Variants in CRIM1 observed in about 807,000 individuals in gnomAD.
The protein encoded by CRIM1 is cysteine-rich motor neuron 1 protein.
CRIM1 carries 32 observed loss-of-function variants against 116.4 expected under a neutral mutation model. The ratio of observed to expected loss-of-function variants is 0.27; its 90% CI spans 0.21 to 0.37. CRIM1 has a LOEUF of 0.37. CRIM1 is among the 10% of genes least tolerant of loss of function. CRIM1 has a pLI of 1.00. For synonymous variants in CRIM1, 590 were observed against 509.2 expected, an observed-to-expected ratio of 1.16 and a Z score of -2.13; for missense variants, 1,331 against 1,354.8, an observed-to-expected ratio of 0.98 and a Z score of 0.28.
At chr2:36,509,379 T>G (rs1357934579) in intron 8 of CRIM1, among the ~76,000 whole-genome samples, 6 of 152,024 alleles carry the variant, frequency 3.9e-5, no homozygotes, top group Non-Finnish European at 8.8e-5. Flanking sequence ...ATACAAAAAT[T>G]AGCTGGGCGT....
intron 2 of CRIM1, among the ~76,000 whole-genome samples, chr2:36,424,121 C>A (rs1018463063): frequency 2.6e-5 from 4 of 152,150 alleles, no homozygotes; most frequent in African/African-American, 9.7e-5. Context: ...AACTCAGGCC[C>A]AGTCCTCATG....
At position 36,516,824 on chromosome 2, in the gene CRIM1, C is replaced by G. The variant is rs144223648; in HGVS notation, c.1991-503C>G. On this transcript the variant is annotated intron_variant, in intron 11 of 16. Transcript: ENST00000280527. ...GAGACATATCCATGATCCAAACAAC[C>G]ATAGACTTGGGTTGCAGTTTCCCTC... Among the ~76,000 whole-genome samples the G allele has an allele frequency of 3.3e-4, 51 of 152,326 alleles. No individual in the cohort carries two copies. The East Asian group carries it at 8.1e-3, about 24-fold the overall frequency.
chr2:36,505,063 A>G (rs139467063), intron 8 of CRIM1, among the ~76,000 whole-genome samples: 9 of 152,348 alleles, frequency 5.9e-5, no homozygotes, highest in African/African-American at 2.2e-4. Flanking sequence ...AGGTTGCAGC[A>G]TCAAATATAG....
chr2:36,469,851 G>T (rs1678353472), intron 5 of CRIM1, among the ~76,000 whole-genome samples: 1 of 152,130 alleles, frequency 6.6e-6, no homozygotes, highest in Admixed American at 6.5e-5. Context: ...TTGTTAAAGA[G>T]TGATACACAT....
intron 4 of CRIM1, among the ~76,000 whole-genome samples, chr2:36,457,259 T>C (rs1677207820): frequency 6.6e-6 from 1 of 152,190 alleles, no homozygotes; most frequent in South Asian, 2.1e-4. Flanking sequence ...CTGAACAGTA[T>C]ACACTGAACC....
rs898405866 is a variant in CRIM1, at chr2:36,356,876, C to G, written c.331+253C>G. On this transcript the variant is annotated intron_variant, in intron 1 of 16. Coordinates refer to ENST00000280527, the MANE Select transcript of CRIM1 (RefSeq NM_016441.3). The surrounding 1 kb of genome is among the most constrained non-coding windows in gnomAD (Gnocchi z 4.3). ...GAGCGAGTGGAGGATCGCCCCTGTC[C>G]CCGCGCAGACGCGCACACGTGTGGC... Among the ~76,000 whole-genome samples, 21 of 152,278 alleles carry G rather than the reference C, an allele frequency of 1.4e-4. No individual in the cohort carries two copies. The highest frequency in any genetic ancestry group is 5.1e-4 in the African/African-American group (21 of 41,564).
At chr2:36,483,864 G>A (rs145163816) in intron 7 of CRIM1, among the ~76,000 whole-genome samples, 39 of 152,302 alleles carry the variant, frequency 2.6e-4, no homozygotes, top group South Asian at 8.3e-4. Context: ...TAACCAGAGC[G>A]TCAAAAGCTG....
intron 7 of CRIM1, among the ~76,000 whole-genome samples, chr2:36,494,790 G>T (rs1288603919): frequency 1.3e-5 from 2 of 152,172 alleles, no homozygotes; most frequent in Non-Finnish European, 2.9e-5. Flanking sequence ...TTTAGAAATA[G>T]TTGTAGCCAA....
chr2:36,537,638 G>A (rs556353407), intron 14 of CRIM1, 92 bp downstream of exon 14: 37 of 1,357,280 alleles, frequency 2.7e-5, no homozygotes, highest in East Asian at 1.3e-4. Flanking sequence ...TCTTTCATTC[G>A]TTCACACGGC....
chr2:36,469,126 C>T (rs972216948), intron 5 of CRIM1, among the ~76,000 whole-genome samples: 1 of 152,162 alleles, frequency 6.6e-6, no homozygotes, highest in African/African-American at 2.4e-5. Flanking sequence ...AGCCCCCATT[C>T]ACAGCTCTAA....
chr2:36,549,629 T>C lies in CRIM1; in HGVS notation c.*928T>C, dbSNP rs937224370. The C allele has an allele frequency of 2.0e-5, 3 of 152,516 alleles. No individual in the cohort carries two copies. Among genetic ancestry groups the C allele is most frequent in the Non-Finnish European group, 2.9e-5 (2 of 68,000 alleles). 9.4% of individuals were successfully genotyped at this position (152,516 alleles called of 1,614,324 possible). ...GAAGCTCTAGCTTAAGAAGAAACTT[T>C]TTTTAAAAAGACTGTTTGGGGATTC... On this transcript the variant is annotated 3_prime_UTR_variant, in exon 17 of 17. Coordinates refer to ENST00000280527, the MANE Select transcript of CRIM1 (RefSeq NM_016441.3).
chr2:36,446,350 T>C (rs1052530902), intron 4 of CRIM1, among the ~76,000 whole-genome samples: 1 of 152,262 alleles, frequency 6.6e-6, no homozygotes, highest in African/African-American at 2.4e-5. Flanking sequence ...TTCATTCATC[T>C]ATTCATCAAA....
chr2:36,451,600 T>G (rs774207942), intron 4 of CRIM1, among the ~76,000 whole-genome samples: 1 of 152,208 alleles, frequency 6.6e-6, no homozygotes, highest in Non-Finnish European at 1.5e-5. Context: ...TCAAGAATCC[T>G]TTAGTGCTCT....
chr2:36,449,134 G>A (rs1387555299), intron 4 of CRIM1, among the ~76,000 whole-genome samples: 1 of 150,626 alleles, frequency 6.6e-6, no homozygotes, highest in East Asian at 2.0e-4. Flanking sequence ...ACCAAAAAAT[G>A]TAATAGAATA....
chr2:36,406,797 T>C (rs1672840648), intron 2 of CRIM1, among the ~76,000 whole-genome samples: 1 of 152,230 alleles, frequency 6.6e-6, no homozygotes, highest in Non-Finnish European at 1.5e-5. Context: ...TTACTCATCA[T>C]AGATTCTAGT....
rs1446895695 is a variant in CRIM1 at position 36,549,970 on chromosome 2, A to T, written c.*1269A>T. 1 of 152,338 alleles carries T rather than the reference A, an allele frequency of 6.6e-6. No individual in the cohort carries two copies. The highest frequency in any genetic ancestry group is 2.4e-5 in the African/African-American group (1 of 41,344). The allele number at this position is 152,338 out of a possible 1,614,324, so 9.4% of individuals were successfully genotyped here. On this transcript the variant is annotated 3_prime_UTR_variant, in exon 17 of 17. Transcript: ENST00000280527. ...ATAGCAGTGCTTTTGATCACTTACA[A>T]ATTTTTTGAATAACACAAAATCTCA...
intron 2 of CRIM1, among the ~76,000 whole-genome samples, chr2:36,434,368 T>G (rs1675127779): frequency 6.6e-6 from 1 of 152,334 alleles, no homozygotes; most frequent in East Asian, 1.9e-4. Flanking sequence ...AAAATGTAGC[T>G]ATTGACTAAA....
chr2:36,497,273 T>C (rs534984720), intron 7 of CRIM1, among the ~76,000 whole-genome samples: 214 of 152,316 alleles, frequency 1.4e-3, no homozygotes, highest in African/African-American at 4.6e-3. Flanking sequence ...CTAATCGCTC[T>C]AGAACATAGA....
intron 2 of CRIM1, among the ~76,000 whole-genome samples, chr2:36,400,209 T>C (rs1165232955): frequency 6.6e-6 from 1 of 152,144 alleles, no homozygotes. Flanking sequence ...GGGGAGGTTC[T>C]AGTGGGATTG....
Sources: gnomAD v4.1 joint callset for allele counts (sites outside exome capture counted in the v4.1 genomes callset) on GRCh38, gnomAD v4.1.1 for gene constraint, Gnocchi (gnomAD v3.1) non-coding constraint, MANE v1.5 for transcripts, NCBI Gene and HGNC (gene_info 2026-07-23, HGNC 2026-07-21) for gene names.